Variants in ZC3H18 observed in about 807,000 individuals in gnomAD.
ZC3H18 encodes the protein zinc finger CCCH-type containing 18.
ZC3H18 carries 8 observed loss-of-function variants against 106.1 expected under a neutral mutation model. The ratio of observed to expected loss-of-function variants is 0.08; its 90% CI spans 0.04 to 0.14. The LOEUF is 0.14. Ranked by LOEUF, ZC3H18 falls within the 10% of genes least tolerant of loss-of-function variation. The pLI, the probability that ZC3H18 is intolerant of heterozygous loss-of-function variation, is 1.00. For synonymous variants in ZC3H18, 635 were observed against 522.1 expected (o/e 1.22, Z -2.95); for missense variants, 1,318 against 1,278.4 (o/e 1.03, Z -0.47).
chr16:88,609,144 A>G (rs1437779487), intron 7 of ZC3H18, 93 bp downstream of exon 7: 4 of 1,044,544 alleles, frequency 3.8e-6, no homozygotes, highest in Non-Finnish European at 2.8e-6. Flanking sequence ...AGGGCTTTAT[A>G]TGAGCTTATA....
intron 7 of ZC3H18, among the ~76,000 whole-genome samples, chr16:88,610,239 G>C (rs1905209816): frequency 6.6e-6 from 1 of 152,218 alleles, no homozygotes; most frequent in African/African-American, 2.4e-5. Context: ...TTGCCCCAGG[G>C]AAGGGTCAGT....
intron 6 of ZC3H18, among the ~76,000 whole-genome samples, chr16:88,603,769 C>G (rs896263613): frequency 6.7e-6 from 1 of 149,432 alleles, no homozygotes; most frequent in African/African-American, 2.5e-5. Context: ...ACTACAGGTG[C>G]CTGCCACCAT....
chr16:88,622,220 A>C lies in ZC3H18; in HGVS notation c.1499A>C (p.Lys500Thr). The C allele has an allele frequency of 6.2e-7, 1 of 1,610,808 alleles. No individual in the cohort carries two copies. The highest frequency in any genetic ancestry group is 8.5e-7 in the Non-Finnish European group (1 of 1,177,762). The change falls in exon 9 of 18, where the codon AAG (lysine) becomes ACG (threonine). Residue 500 changes from lysine (K) to threonine (T), a missense_variant. Transcript: ENST00000301011. ...PPSRQAEPPK[K>T]EAATTGPQVK... ...AGCCGCCAAGCTGAGCCACCAAAGA[A>C]GGAGGCTGCCACCACGGGGCCGCAG...
intron 8 of ZC3H18, among the ~76,000 whole-genome samples, chr16:88,617,875 C>G (rs1054758948): frequency 1.3e-5 from 2 of 152,274 alleles, no homozygotes; most frequent in African/African-American, 4.8e-5. Flanking sequence ...GCCCTCTCAT[C>G]TGCCAGTTTG....
At chr16:88,588,996 G>C (rs963031407) in intron 3 of ZC3H18, among the ~76,000 whole-genome samples, 1 of 152,166 alleles carries the variant, frequency 6.6e-6, no homozygotes, top group Non-Finnish European at 1.5e-5. Flanking sequence ...AGGTGATACG[G>C]TACAGAGGAA....
rs1433398144 is a variant in ZC3H18, at chr16:88,631,740, CT to C, written c.*442del. 41 of 397,116 alleles carry C rather than the reference CT, an allele frequency of 1.0e-4. No individual in the cohort carries two copies. Among genetic ancestry groups the C allele is most frequent in the South Asian group, 5.0e-4 (28 of 55,748 alleles). The allele number at this position is 397,116 out of a possible 1,614,324, so 24.6% of individuals were successfully genotyped here. Reference sequence around the variant, plus strand: ...GGCACATCCTTCTCCTCCCCCGCCCCTGATCACCCGCCCCCGGATCAGAAAT... The same window carrying C: ...GGCACATCCTTCTCCTCCCCCGCCCCGATCACCCGCCCCCGGATCAGAAAT... On this transcript the variant is annotated 3_prime_UTR_variant, in exon 18 of 18. Coordinates refer to ENST00000301011, the MANE Select transcript of ZC3H18 (RefSeq NM_144604.4).
At chr16:88,615,879 T>C (rs1905568916) in intron 8 of ZC3H18, among the ~76,000 whole-genome samples, 1 of 152,238 alleles carries the variant, frequency 6.6e-6, no homozygotes, top group Non-Finnish European at 1.5e-5. Flanking sequence ...GGATGTTTTC[T>C]GTGTACAAGA....
At position 88,577,194 on chromosome 16, in the gene ZC3H18, C is replaced by G. The variant is rs1240401498; in HGVS notation, c.71C>G (p.Ser24Trp). Residue 24 changes from serine to tryptophan, a missense_variant, in exon 2 of 18, where the codon TCG (serine) becomes TGG (tryptophan). This residue lies in a region of ZC3H18 where 346 missense variants were observed against 269.0 expected (regional missense o/e 1.29). Coordinates refer to ENST00000301011, the MANE Select transcript of ZC3H18 (RefSeq NM_144604.4). ...GATGAAGAGCAGCCACAGGGACTCTCGGACGATGACATTCTGAGGGACAGC... is the reference window on the plus strand; with the variant it reads ...GATGAAGAGCAGCCACAGGGACTCTGGGACGATGACATTCTGAGGGACAGC... ...PEDEEQPQGL[S>W]DDDILRDSGS... The G allele has an allele frequency of 1.2e-6, 2 of 1,610,102 alleles. No individual in the cohort carries two copies. The highest frequency in any genetic ancestry group is 1.7e-6 in the Non-Finnish European group (2 of 1,177,926).
At chr16:88,620,550 C>T (rs1011097792) in intron 8 of ZC3H18, among the ~76,000 whole-genome samples, 2 of 149,604 alleles carry the variant, frequency 1.3e-5, no homozygotes, top group Non-Finnish European at 3.0e-5. Context: ...CTCCAGCCCA[C>T]ATGGGTAACA....
In ZC3H18 at chr16:88,631,348, A is replaced by G. The variant is rs1308282244; in HGVS notation, c.*49A>G. ...GCATTTTTATACATAGGGTAAGCGC[A>G]GCCATTTTGGATTTTGCAGTTAATG... is the stretch of plus-strand genomic sequence containing the variant. On this transcript the variant is annotated 3_prime_UTR_variant, in exon 18 of 18. Transcript: ENST00000301011. The G allele has an allele frequency of 6.5e-7, 1 of 1,549,410 alleles. No individual in the cohort carries two copies. Among genetic ancestry groups the G allele is most frequent in the Non-Finnish European group, 8.7e-7 (1 of 1,145,912 alleles).
chr16:88,574,835 T>G (rs1914642190), intron 1 of ZC3H18, among the ~76,000 whole-genome samples: 1 of 147,790 alleles, frequency 6.8e-6, no homozygotes, highest in Non-Finnish European at 1.5e-5. Flanking sequence ...ATGTATCTTT[T>G]TTTTTTTTTT....
chr16:88,602,569 C>A (rs1189849676), intron 6 of ZC3H18, among the ~76,000 whole-genome samples: 3 of 152,220 alleles, frequency 2.0e-5, no homozygotes, highest in Non-Finnish European at 4.4e-5. Context: ...TTAACAAGCC[C>A]TCCAGGTAAT....
rs1914814683 is a variant in ZC3H18, at chr16:88,577,277, G to C, written c.154G>C (p.Glu52Gln). ...GAGGGCTTCTGATCTGGAGGATGAG[G>C]AAAGTGCAGCCAGGGGGCCGAGCCA... is the stretch of plus-strand genomic sequence containing the variant. Reference protein sequence around the residue: ...GVRASDLEDEESAARGPSQEE... With the variant: ...GVRASDLEDEQSAARGPSQEE... The change falls in exon 2 of 18, where the codon GAA (glutamate) becomes CAA (glutamine). Residue 52 changes from glutamate to glutamine, a missense_variant. Glu to Gln is a conservative substitution (Grantham distance 29, BLOSUM62 2). Around this residue, in one of 6 missense-constraint regions of ZC3H18, gnomAD observed 346 missense variants for 269.0 expected, o/e 1.29. Coordinates refer to ENST00000301011, the MANE Select transcript of ZC3H18 (RefSeq NM_144604.4). 6.2e-7 allele frequency: 1 copy of C among 1,613,354 alleles called. No individual in the cohort carries two copies. The highest frequency in any genetic ancestry group is 1.3e-5 in the African/African-American group (1 of 74,870).
At chr16:88,628,606 G>C in intron 15 of ZC3H18, 152 bp from the exon 16 acceptor site, 1 of 755,874 alleles carries the variant, frequency 1.3e-6, no homozygotes, top group Non-Finnish European at 2.2e-6. Context: ...GGGTCCTGGA[G>C]GCCTCACTCA....
At position 88,625,673 on chromosome 16, in the gene ZC3H18, G is replaced by A. The variant is rs1045167014; in HGVS notation, c.2108+406G>A. On this transcript the variant is annotated intron_variant, in intron 13 of 17. Transcript: ENST00000301011. ...GGAACCGGCCTGAGGGGGTGGGGAA[G>A]CCGATAAAAACATCTGAGAAGAGAA... The A allele has an allele frequency of 5.3e-5, 11 of 206,824 alleles. No homozygotes were observed. The South Asian group carries it at 5.4e-4, about 10-fold the overall frequency. 12.8% of individuals were successfully genotyped at this position (206,824 alleles called of 1,614,324 possible).
intron 1 of ZC3H18, among the ~76,000 whole-genome samples, chr16:88,574,617 C>T (rs1387763457): frequency 6.6e-6 from 1 of 150,524 alleles, no homozygotes; most frequent in African/African-American, 2.4e-5. Flanking sequence ...ATCCTCCTAT[C>T]TCAGCCTCCC....
chr16:88,612,272 T>C lies in ZC3H18; in HGVS notation c.1475+736T>C, dbSNP rs941181877. Among the ~76,000 whole-genome samples the C allele has an allele frequency of 5.3e-5, 8 of 152,176 alleles. 1 individual carries two copies. The highest frequency in any genetic ancestry group is 5.2e-4 in the Admixed American group (8 of 15,268). On this transcript the variant is annotated intron_variant, in intron 8 of 17. Coordinates refer to ENST00000301011, the MANE Select transcript of ZC3H18 (RefSeq NM_144604.4). ...TACAACTTTATTGAAATATAATTAA[T>C]GGACGCTGCAACATACCCATTTAAA...
chr16:88,628,098 C>G lies in ZC3H18; in HGVS notation c.2448C>G (p.Ile816Met), dbSNP rs775939894. The G allele has an allele frequency of 1.9e-6, 3 of 1,613,948 alleles. No individual in the cohort carries two copies. The highest frequency in any genetic ancestry group is 1.7e-5 in the Admixed American group (1 of 60,020). ...GCACATTTGTGGCCCACAAGGAGAT[C>G]AAGTTGACACTGTTGAATAAGGTGA... ...QQGTFVAHKE[I>M]KLTLLNKAAD... Residue 816 changes from isoleucine to methionine, a missense_variant, in exon 15 of 18, where the codon ATC becomes ATG. Ile to Met is a conservative substitution (Grantham distance 10). Around this residue, in one of 6 missense-constraint regions of ZC3H18, gnomAD observed 848 missense variants for 821.7 expected, o/e 1.03. Transcript: ENST00000301011.
rs769578088 is a variant in ZC3H18, at chr16:88,631,152, G to T, written c.2715G>T (p.Val905=). 2 of 1,613,334 alleles carry T rather than the reference G, an allele frequency of 1.2e-6. No homozygotes were observed. The highest frequency in any genetic ancestry group is 2.2e-5 in the South Asian group (2 of 91,066). Reference sequence around the variant, plus strand: ...AGAGCTCCAGCAAGGTCACGAGCGTGCCCGGCAAAGCCTCGGATCCCGGCG... The same window carrying T: ...AGAGCTCCAGCAAGGTCACGAGCGTTCCCGGCAAAGCCTCGGATCCCGGCG... ...QSKSSSKVTS[V]PGKASDPGAA... is the part of the protein sequence containing the mutation. The change falls in exon 18 of 18, where the codon GTG becomes GTT. Residue 905 remains valine (V), a synonymous_variant. Transcript: ENST00000301011.
Sources: gnomAD v4.1 joint callset for allele counts (sites outside exome capture counted in the v4.1 genomes callset) on GRCh38, gnomAD v4.1.1 for gene constraint, gnomAD v4.1.1 regional missense constraint, MANE v1.5 for transcripts, NCBI Gene and HGNC (gene_info 2026-07-23, HGNC 2026-07-21) for gene names.